Variants in GUCY1A1 observed in about 807,000 individuals in gnomAD.
GUCY1A1 encodes guanylate cyclase 1 soluble subunit alpha 1.
GUCY1A1 carries 48 observed loss-of-function variants against 64.5 expected under a neutral mutation model. The ratio of observed to expected loss-of-function variants is 0.74; its 90% CI spans 0.59 to 0.95. The LOEUF is 0.95. Among genes scored for constraint, GUCY1A1 ranks in the 40% least tolerant of loss-of-function variants. The probability of loss-of-function intolerance (pLI) is 0.00; values close to 1 mark genes in which losing one functional copy is unlikely to be tolerated. For missense variants in GUCY1A1, 804 were observed against 825.3 expected (o/e 0.97, Z 0.32); for synonymous variants, 308 against 303.4 (o/e 1.02, Z -0.16).
At chr4:155,693,400 A>G (rs1730010193) in intron 2 of GUCY1A1, among the ~76,000 whole-genome samples, 1 of 152,082 alleles carries the variant, frequency 6.6e-6, no homozygotes, top group Non-Finnish European at 1.5e-5. Context: ...TCTACAACCA[A>G]CTATGTACTG....
chr4:155,670,896 A>AG (rs1734057993), intron 2 of GUCY1A1, among the ~76,000 whole-genome samples: 2 of 152,226 alleles, frequency 1.3e-5, no homozygotes, highest in East Asian at 3.9e-4. Context: ...ACACCTTCTT[A>AG]GGGGGGAAGC....
chr4:155,720,569 A>G (rs1733844620), intron 8 of GUCY1A1, among the ~76,000 whole-genome samples: 1 of 152,154 alleles, frequency 6.6e-6, no homozygotes, highest in Admixed American at 6.6e-5. Flanking sequence ...CCAGACTACC[A>G]GTTACTAGTA....
chr4:155,713,082 A>C lies in GUCY1A1; in HGVS notation c.1087-16A>C. On this transcript the variant is annotated splice_polypyrimidine_tract_variant and intron_variant, in intron 6 of 9. Transcript: ENST00000506455. ...AAACTTGAATAAACCACAATTGGTT[A>C]TCCTTTCCTTCATAGGTTATGGACC... The C allele has an allele frequency of 6.3e-7, 1 of 1,585,164 alleles. No individual in the cohort carries two copies. The highest frequency in any genetic ancestry group is 8.6e-7 in the Non-Finnish European group (1 of 1,164,794).
chr4:155,722,346 T>C, intron 9 of GUCY1A1, 154 bp downstream of exon 9: 3 of 1,430,996 alleles, frequency 2.1e-6, no homozygotes, highest in Non-Finnish European at 2.7e-6. Context: ...CACTTTAACT[T>C]TTTTACACTG....
At chr4:155,679,338 A>C (rs2705437) in intron 2 of GUCY1A1, among the ~76,000 whole-genome samples, 2 of 152,238 alleles carry the variant, frequency 1.3e-5, no homozygotes, top group East Asian at 1.9e-4. Flanking sequence ...GAATACCCGA[A>C]GTTGGATAAT....
intron 4 of GUCY1A1, among the ~76,000 whole-genome samples, chr4:155,705,144 G>A (rs994319407): frequency 6.6e-6 from 1 of 152,226 alleles, no homozygotes; most frequent in Non-Finnish European, 1.5e-5. Context: ...ACCCGCGTTG[G>A]CCTCCAAAAC....
rs767881072 is a variant in GUCY1A1, at chr4:155,710,980, A to G, written c.815A>G (p.Gln272Arg). ...CCATCCCTGTCCCCCAGCAAACCCC[A>G]GTCCTCGCTGGTGATTCCCACATCG... ...TKPSLSPSKP[Q>R]SSLVIPTSLF... Residue 272 changes from glutamine to arginine, a missense_variant, in exon 6 of 10, where the codon CAG becomes CGG. By Grantham distance (43) the Gln-to-Arg change is conservative (BLOSUM62 1). Coordinates refer to ENST00000506455, the MANE Select transcript of GUCY1A1 (RefSeq NM_001130682.3). 1 of 1,613,268 alleles carries G rather than the reference A, an allele frequency of 6.2e-7. No individual in the cohort carries two copies. Among genetic ancestry groups the G allele is most frequent in the African/African-American group, 1.3e-5 (1 of 74,932 alleles).
intron 2 of GUCY1A1, among the ~76,000 whole-genome samples, chr4:155,674,040 T>G (rs1258113979): frequency 1.3e-5 from 2 of 151,564 alleles, no homozygotes; most frequent in African/African-American, 4.9e-5. Context: ...AAGTGCTCAA[T>G]GGCTCATAAG....
At chr4:155,683,660 T>C (rs1383161157) in intron 2 of GUCY1A1, among the ~76,000 whole-genome samples, 1 of 152,140 alleles carries the variant, frequency 6.6e-6, no homozygotes, top group Non-Finnish European at 1.5e-5. Context: ...ATGAGAAAAT[T>C]ATGAAAAAGA....
At chr4:155,704,173 A>T (rs1374486274) in intron 4 of GUCY1A1, among the ~76,000 whole-genome samples, 180 bp downstream of exon 4, 1 of 152,220 alleles carries the variant, frequency 6.6e-6, no homozygotes, top group Non-Finnish European at 1.5e-5. Flanking sequence ...ATCACATTTT[A>T]TAAATGATTA....
chr4:155,674,683 T>C (rs1201899462), intron 2 of GUCY1A1, among the ~76,000 whole-genome samples: 1 of 151,532 alleles, frequency 6.6e-6, no homozygotes. Flanking sequence ...GGAAGATCTT[T>C]AGGGACAATA....
At chr4:155,722,338 C>G in intron 9 of GUCY1A1, 146 bp downstream of exon 9, 1 of 1,436,172 alleles carries the variant, frequency 7.0e-7, no homozygotes, top group South Asian at 1.5e-5. Flanking sequence ...ATCATCCTCA[C>G]TTTAACTTTT....
At chr4:155,681,351 T>C (rs1489072591) in intron 2 of GUCY1A1, among the ~76,000 whole-genome samples, 1 of 152,192 alleles carries the variant, frequency 6.6e-6, no homozygotes, top group Non-Finnish European at 1.5e-5. Flanking sequence ...GCTACAAATA[T>C]AGGTAACAAA....
chr4:155,711,490 A>G (rs1011839961), intron 6 of GUCY1A1: 6 of 315,442 alleles, frequency 1.9e-5, no homozygotes, highest in African/African-American at 1.3e-4. Context: ...TAATATCTTT[A>G]TGGAATGTTT....
rs763763533 is a variant in GUCY1A1, at chr4:155,703,943, G to A, written c.267G>A (p.Leu89=). 1.2e-6 allele frequency: 2 copies of A among 1,604,212 alleles called. No individual in the cohort carries two copies. Among genetic ancestry groups the A allele is most frequent in the Non-Finnish European group, 1.7e-6 (2 of 1,173,778 alleles). The change falls in exon 4 of 10, where the codon CTG becomes CTA. Residue 89 remains leucine, a synonymous_variant. Transcript: ENST00000506455. Reference sequence around the variant, plus strand: ...TTTTGAACTTTCAGTTTGAACGGCTGAATGTTGCACTTCAGAGAACATTGG... The same window carrying A: ...TTTTGAACTTTCAGTTTGAACGGCTAAATGTTGCACTTCAGAGAACATTGG... ...CKLIFPEFER[L]NVALQRTLAK...
intron 2 of GUCY1A1, among the ~76,000 whole-genome samples, chr4:155,682,613 A>G (rs549600056): frequency 6.6e-6 from 1 of 152,076 alleles, no homozygotes; most frequent in East Asian, 1.9e-4. Context: ...TGGAGGTTGC[A>G]GTGAGCCGAG....
chr4:155,696,750 C>G lies in GUCY1A1; in HGVS notation c.-112-6C>G. 1.1e-6 allele frequency: 1 copy of G among 891,206 alleles called. No homozygotes were observed. The highest frequency in any genetic ancestry group is 1.8e-6 in the Non-Finnish European group (1 of 570,058). The allele number at this position is 891,206 out of a possible 1,614,324, so 55.2% of individuals were successfully genotyped here. A position where few individuals can be genotyped will look rare whatever the true frequency, so the allele number is the denominator to read the frequency against. On this transcript the variant is annotated splice_region_variant and splice_polypyrimidine_tract_variant and intron_variant, in intron 2 of 9. Coordinates refer to ENST00000506455, the MANE Select transcript of GUCY1A1 (RefSeq NM_001130682.3). Reference sequence around the variant, plus strand: ...TCTTTCTGTTCTGACTTTTTGCTGTCCATAGACATCCCAGTTACCAGTGTC... The same window carrying G: ...TCTTTCTGTTCTGACTTTTTGCTGTGCATAGACATCCCAGTTACCAGTGTC...
Position 155,734,137 on chromosome 4 carries a change from G to A in GUCY1A1, c.*3906G>A, listed in dbSNP as rs1391758264. 2.0e-5 allele frequency among the ~76,000 whole-genome samples: 3 copies of A among 152,036 alleles called. No homozygotes were observed. Among genetic ancestry groups the A allele is most frequent in the African/African-American group, 7.2e-5 (3 of 41,500 alleles). ...CTGTCTCAGGTTAGGTTAAAAGAAGGCATAGGATGGAAGAGGGTGGTCTGT... is the reference window on the plus strand; with the variant it reads ...CTGTCTCAGGTTAGGTTAAAAGAAGACATAGGATGGAAGAGGGTGGTCTGT... On this transcript the variant is annotated 3_prime_UTR_variant, in exon 10 of 10. Transcript: ENST00000506455.
At position 155,684,776 on chromosome 4, in the gene GUCY1A1, T is replaced by A. The variant is rs577772950; in HGVS notation, c.-112-11980T>A. Among the ~76,000 whole-genome samples the A allele has an allele frequency of 1.6e-4, 25 of 152,288 alleles. 1 individual carries two copies. The South Asian group carries it at 5.2e-3, about 32-fold the overall frequency. On this transcript the variant is annotated intron_variant, in intron 2 of 9. Transcript: ENST00000506455. ...TGCCTTTCAATTCTTCTCTGATGCC[T>A]AAAACTAGAGAGGCTCAAAGTGAAG...
Sources: gnomAD v4.1 joint callset for allele counts (sites outside exome capture counted in the v4.1 genomes callset) on GRCh38, gnomAD v4.1.1 for gene constraint, MANE v1.5 for transcripts, NCBI Gene and HGNC (gene_info 2026-07-23, HGNC 2026-07-21) for gene names.